Variants in NLRP14 observed in about 807,000 individuals in gnomAD.
NLRP14 encodes NACHT, LRR and PYD domains-containing protein 14.
NLRP14 carries 105 observed loss-of-function variants against 94.7 expected under a neutral mutation model. The observed-to-expected ratio is 1.11, with a 90% CI of 0.95 to 1.30. The LOEUF is 1.30. NLRP14 is among the 50% of genes most tolerant of loss of function. The probability of loss-of-function intolerance (pLI) is 0.00; values close to 1 mark genes in which losing one functional copy is unlikely to be tolerated. For synonymous variants in NLRP14, 508 were observed against 459.9 expected (o/e 1.10, Z -1.34); for missense variants, 1,362 against 1,254.1 (o/e 1.09, Z -1.30).
intron 1 of NLRP14, among the ~76,000 whole-genome samples, chr11:7,035,448 C>A (rs1033564563): frequency 2.0e-5 from 3 of 152,168 alleles, no homozygotes. Context: ...TTTGTCACAA[C>A]TGTAGAAGAT....
the NLRP14 span, among the ~76,000 whole-genome samples, chr11:7,080,839 T>C: frequency 2.0e-5 from 3 of 152,074 alleles, no homozygotes; most frequent in Admixed American, 2.0e-4. Flanking sequence ...ACATGAGAGG[T>C]GCTCCTGGCC....
chr11:7,071,044 A>G, intron 11 of NLRP14, 129 bp from the exon 12 acceptor site: 1 of 997,120 alleles, frequency 1.0e-6, no homozygotes, highest in Non-Finnish European at 1.5e-6. Context: ...CTCCTCACCC[A>G]TGTTATAATA....
At position 7,049,745 on chromosome 11, in the gene NLRP14, A is replaced by T. The variant is rs189128733; in HGVS notation, c.2198A>T (p.His733Leu). ...TSLIHNKNLM[H>L]LDLKGSDIGD... ...TTGATTCATAACAAGAATCTGATGCATCTTGACCTAAAAGGGAGTGATATA... is the reference window on the plus strand; with the variant it reads ...TTGATTCATAACAAGAATCTGATGCTTCTTGACCTAAAAGGGAGTGATATA... Residue 733 changes from histidine (H) to leucine (L), a missense_variant, in exon 6 of 12, where the codon CAT (histidine) becomes CTT (leucine). Physicochemically the swap from His to Leu is moderately conservative, Grantham distance 99. Transcript: ENST00000299481. The T allele has an allele frequency of 3.6e-5, 58 of 1,609,366 alleles. No homozygotes were observed. The East Asian group carries it at 1.2e-3, about 35-fold the overall frequency.
chr11:7,053,100 T>C (rs997413457), intron 6 of NLRP14, among the ~76,000 whole-genome samples: 7 of 152,212 alleles, frequency 4.6e-5, no homozygotes, highest in Admixed American at 3.3e-4. Context: ...AGACAGTATA[T>C]TGATTTTTGC....
intron 10 of NLRP14, among the ~76,000 whole-genome samples, chr11:7,069,271 A>G (rs1852754840): frequency 6.6e-6 from 1 of 152,176 alleles, no homozygotes; most frequent in African/African-American, 2.4e-5. Flanking sequence ...TCTCTTCATC[A>G]CATAAATGTG....
intron 6 of NLRP14, among the ~76,000 whole-genome samples, chr11:7,051,503 C>T (rs1057389522): frequency 2.0e-5 from 3 of 152,152 alleles, no homozygotes; most frequent in African/African-American, 7.2e-5. Flanking sequence ...AACATATGAT[C>T]CCCAGTGATT....
intron 1 of NLRP14, among the ~76,000 whole-genome samples, chr11:7,024,732 G>T (rs1851991081): frequency 6.6e-6 from 1 of 151,846 alleles, no homozygotes; most frequent in Non-Finnish European, 1.5e-5. Flanking sequence ...TAGAACATTT[G>T]TACATTTTAA....
At chr11:7,049,609 G>T in intron 5 of NLRP14, 62 bp from the exon 6 acceptor site, 1 of 1,129,728 alleles carries the variant, frequency 8.9e-7, no homozygotes, top group Non-Finnish European at 1.4e-6. Context: ...GAAAAGAAAG[G>T]GATCCTGTAA....
chr11:7,070,995 T>G (rs2119725328), intron 11 of NLRP14, among the ~76,000 whole-genome samples, 178 bp from the exon 12 acceptor site: 1 of 152,326 alleles, frequency 6.6e-6, no homozygotes, highest in African/African-American at 2.4e-5. Flanking sequence ...TTCCACTACT[T>G]TATCTCCCTC....
intron 5 of NLRP14, among the ~76,000 whole-genome samples, chr11:7,047,742 T>C (rs1852377926): frequency 6.6e-6 from 1 of 150,768 alleles, no homozygotes; most frequent in Non-Finnish European, 1.5e-5. Flanking sequence ...TTTTTTAATT[T>C]ATCTTCTTTC....
At position 7,038,843 on chromosome 11, in the gene NLRP14, A is replaced by T. The variant is rs199735773; in HGVS notation, c.257A>T (p.Asp86Val). 1,302 of 1,613,524 alleles carry T rather than the reference A, an allele frequency of 8.1e-4. 22 individuals carry two copies. The South Asian group carries it at 0.014, about 17-fold the overall frequency. ...ATCTTTGGCAAGATGAACCTGAAGG[A>T]TCTGTGTGAGAGAGCGAAAGAAGAG... ...LKIFGKMNLK[D>V]LCERAKEEIN... Residue 86 changes from aspartate (D) to valine (V), a missense_variant, in exon 2 of 12, where the codon GAT (aspartate) becomes GTT (valine). Physicochemically the swap from Asp to Val is radical, Grantham distance 152. Transcript: ENST00000299481.
At chr11:7,068,758 C>G (rs187476671) in intron 10 of NLRP14, among the ~76,000 whole-genome samples, 2 of 152,244 alleles carry the variant, frequency 1.3e-5, no homozygotes, top group Admixed American at 1.3e-4. Flanking sequence ...CCTAGGCAAC[C>G]AAGCCTCCCA....
chr11:7,052,064 A>G (rs1852448675), intron 6 of NLRP14, among the ~76,000 whole-genome samples: 1 of 152,216 alleles, frequency 6.6e-6, no homozygotes, highest in Non-Finnish European at 1.5e-5. Context: ...AATATGCTTT[A>G]AGGTAAGCTC....
intron 6 of NLRP14, among the ~76,000 whole-genome samples, chr11:7,056,645 C>A (rs1391875834): frequency 6.6e-6 from 1 of 151,018 alleles, no homozygotes; most frequent in Non-Finnish European, 1.5e-5. Context: ...TACCATTTTT[C>A]CTTCATAAGT....
the NLRP14 span, chr11:7,090,290 C>A: frequency 6.3e-7 from 1 of 1,597,964 alleles, no homozygotes; most frequent in Non-Finnish European, 8.5e-7. Flanking sequence ...GAGGCCGGAG[C>A]AGATACTAAG....
At chr11:7,024,566 A>C (rs973884346) in intron 1 of NLRP14, among the ~76,000 whole-genome samples, 3 of 152,158 alleles carry the variant, frequency 2.0e-5, no homozygotes, top group Admixed American at 6.6e-5. Context: ...CTTGTGACTG[A>C]GAGAGGTCTC....
At chr11:7,038,201 A>G (rs1852188585) in intron 1 of NLRP14, among the ~76,000 whole-genome samples, 1 of 152,168 alleles carries the variant, frequency 6.6e-6, no homozygotes, top group Non-Finnish European at 1.5e-5. Context: ...CAGGTGATAT[A>G]TGAACCCTAT....
intron 4 of NLRP14, among the ~76,000 whole-genome samples, chr11:7,045,991 T>C (rs1221252599): frequency 6.6e-6 from 1 of 152,126 alleles, no homozygotes; most frequent in African/African-American, 2.4e-5. Context: ...AGCCGCTCCA[T>C]TGTCGAGCTT....
rs1280351738 is a variant in NLRP14 at position 7,071,163 on chromosome 11, G to A, written c.3147-10G>A. 20 of 1,613,802 alleles carry A rather than the reference G, an allele frequency of 1.2e-5. No individual in the cohort carries two copies. The highest frequency in any genetic ancestry group is 1.6e-5 in the Non-Finnish European group (19 of 1,179,956). ...AATGCAGGAAAAGAGATGTTCCCTT[G>A]TTTTCTCAGGTTGTGCAAAGAGGCA... is the stretch of plus-strand genomic sequence containing the variant. On this transcript the variant is annotated splice_polypyrimidine_tract_variant and intron_variant, in intron 11 of 11. Coordinates refer to ENST00000299481, the MANE Select transcript of NLRP14 (RefSeq NM_176822.4).
Sources: allele counts gnomAD v4.1 joint callset (sites outside exome capture counted in the v4.1 genomes callset), GRCh38; gene constraint gnomAD v4.1.1; transcripts MANE v1.5; gene names NCBI Gene and HGNC (gene_info 2026-07-23, HGNC 2026-07-21).